The following COPG2 variants were observed in gnomAD, a reference collection of about 807,000 sequenced individuals.
The protein encoded by COPG2 is coatomer subunit gamma-2.
In COPG2, 37 loss-of-function variants were observed where a neutral mutation model predicts 46.3. The ratio of observed to expected loss-of-function variants is 0.80; its 90% CI spans 0.61 to 1.05. The LOEUF (loss-of-function observed/expected upper bound fraction) is 1.05. Among genes scored for constraint, COPG2 ranks in the 50% least tolerant of loss-of-function variants. COPG2 has a pLI of 0.00. For missense variants in COPG2, 427 were observed against 387.8 expected (o/e 1.10, Z -0.85); for synonymous variants, 159 against 129.7 (o/e 1.23, Z -1.53).
At chr7:130,515,827 A>G (rs924019824) in intron 20 of COPG2, among the ~76,000 whole-genome samples, 1 of 152,102 alleles carries the variant, frequency 6.6e-6, no homozygotes, top group Non-Finnish European at 1.5e-5. Flanking sequence ...GCATGACAGG[A>G]TGAGGAATAC....
chr7:130,640,382 A>C (rs1054497352), intron 5 of COPG2, among the ~76,000 whole-genome samples: 5 of 151,600 alleles, frequency 3.3e-5, no homozygotes, highest in Non-Finnish European at 7.4e-5. Context: ...TATATTTACT[A>C]TTTGGAGGCT....
At chr7:130,543,273 G>C (rs1425995672) in intron 20 of COPG2, among the ~76,000 whole-genome samples, 1 of 152,154 alleles carries the variant, frequency 6.6e-6, no homozygotes, top group Non-Finnish European at 1.5e-5. Flanking sequence ...GAAATTAAGG[G>C]GACAGTATAC....
At position 130,668,741 on chromosome 7, in the gene COPG2, G is replaced by A. The variant is rs1796163216; in HGVS notation, c.-73C>T. 1.4e-6 allele frequency: 2 copies of A among 1,476,546 alleles called. No homozygotes were observed. The highest frequency in any genetic ancestry group is 9.1e-7 in the Non-Finnish European group (1 of 1,104,454). 91.5% of individuals were successfully genotyped at this position (1,476,546 alleles called of 1,614,324 possible). A position where few individuals can be genotyped will look rare whatever the true frequency, so the allele number is the denominator to read the frequency against. On this transcript the variant is annotated 5_prime_UTR_variant, in exon 1 of 24. Coordinates refer to ENST00000425248, the MANE Select transcript of COPG2 (RefSeq NM_012133.6). ...CCGCAGCCGGCGAGCGGAAGAGGCT[G>A]CAGGAAGGCCGGCCCCGCGCTCTCA...
intron 12 of COPG2, among the ~76,000 whole-genome samples, chr7:130,557,142 G>A (rs1030604779): frequency 2.0e-5 from 3 of 152,070 alleles, no homozygotes; most frequent in East Asian, 1.9e-4. Flanking sequence ...AAACTAACTC[G>A]ATAATTCACC....
At chr7:130,636,727 A>C (rs1316133445) in intron 5 of COPG2, among the ~76,000 whole-genome samples, 1 of 152,016 alleles carries the variant, frequency 6.6e-6, no homozygotes, top group Non-Finnish European at 1.5e-5. Context: ...TTTACATTTA[A>C]GGTTGATATT....
At chr7:130,610,932 G>A (rs782508974) in intron 9 of COPG2, 21 bp downstream of exon 9, 7 of 1,613,090 alleles carry the variant, frequency 4.3e-6, no homozygotes, top group African/African-American at 1.3e-5. Flanking sequence ...AAATAACCCA[G>A]GTTTAGGTGA....
chr7:130,625,561 C>G (rs1375684785), intron 5 of COPG2, among the ~76,000 whole-genome samples: 1 of 151,398 alleles, frequency 6.6e-6, no homozygotes, highest in Non-Finnish European at 1.5e-5. Flanking sequence ...AAAAAATTAT[C>G]CATTAAATCT....
At chr7:130,516,211 T>C (rs1799677045) in intron 20 of COPG2, among the ~76,000 whole-genome samples, 1 of 152,148 alleles carries the variant, frequency 6.6e-6, no homozygotes. Flanking sequence ...TGATACTAAC[T>C]GGAGGTATTT....
intron 9 of COPG2, among the ~76,000 whole-genome samples, chr7:130,584,418 T>C (rs1305727689): frequency 6.6e-6 from 1 of 151,936 alleles, no homozygotes; most frequent in Admixed American, 6.6e-5. Flanking sequence ...CGATGCCCAC[T>C]CTCACCACGC....
intron 3 of COPG2, among the ~76,000 whole-genome samples, chr7:130,665,587 T>G (rs1796061038): frequency 6.6e-6 from 1 of 152,106 alleles, no homozygotes; most frequent in South Asian, 2.1e-4. Flanking sequence ...TTGCACCAGG[T>G]ATTGTAATCT....
intron 15 of COPG2, among the ~76,000 whole-genome samples, chr7:130,551,637 A>C (rs1793535675): frequency 6.6e-6 from 1 of 152,228 alleles, no homozygotes; most frequent in Admixed American, 6.5e-5. Context: ...ATCTGTAACT[A>C]CATGACCCTG....
intron 20 of COPG2, among the ~76,000 whole-genome samples, chr7:130,522,947 G>A (rs956069673): frequency 5.3e-5 from 8 of 151,270 alleles, no homozygotes; most frequent in Non-Finnish European, 1.2e-4. Context: ...GCGAAACCCT[G>A]TCTCTACTTA....
In COPG2 at chr7:130,602,584, T is replaced by C. The variant is rs534192518; in HGVS notation, c.737+8369A>G. On this transcript the variant is annotated intron_variant, in intron 9 of 23. Coordinates refer to ENST00000425248, the MANE Select transcript of COPG2 (RefSeq NM_012133.6). ...GCCTCCTGGGTTCAAGCAATTCTCC[T>C]GCTCAGCCTCCTGAATAGCTGGGAT... 4.8e-4 allele frequency among the ~76,000 whole-genome samples: 73 copies of C among 152,264 alleles called. No homozygotes were observed. In the South Asian group the frequency reaches 0.015, roughly 30 times the overall value.
At chr7:130,513,540 A>G (rs1174558089) in intron 20 of COPG2, among the ~76,000 whole-genome samples, 1 of 151,414 alleles carries the variant, frequency 6.6e-6, no homozygotes, top group Non-Finnish European at 1.5e-5. Context: ...AGGAAAGAGA[A>G]TACAAAGAGT....
At chr7:130,640,183 T>G (rs1327666948) in intron 5 of COPG2, among the ~76,000 whole-genome samples, 1 of 101,356 alleles carries the variant, frequency 9.9e-6, no homozygotes, top group Non-Finnish European at 2.3e-5. Context: ...TTTTTTTTTG[T>G]AAACTGTGCT....
chr7:130,526,124 T>C (rs1258586338), intron 20 of COPG2, among the ~76,000 whole-genome samples: 1 of 151,480 alleles, frequency 6.6e-6, no homozygotes, highest in Non-Finnish European at 1.5e-5. Flanking sequence ...GCCTTCTTGA[T>C]GGGACAGAAA....
chr7:130,663,020 T>A lies in COPG2; in HGVS notation c.190A>T (p.Thr64Ser). Residue 64 changes from threonine (T) to serine (S), a missense_variant, in exon 4 of 24, where the codon ACG becomes TCG. Transcript: ENST00000425248. ...LLNQGEHFGT[T>S]EATEAFFAMT... ...GCAAAGAAGGCTTCTGTAGCTTCCG[T>A]TGTTCCAAAGTGTTCACCCTAAGTA... 1 of 1,546,154 alleles carries A rather than the reference T, an allele frequency of 6.5e-7. No homozygotes were observed. The highest frequency in any genetic ancestry group is 1.2e-5 in the South Asian group (1 of 80,408).
At chr7:130,508,723 C>A in intron 20 of COPG2, 64 bp from the exon 21 acceptor site, 1 of 704,316 alleles carries the variant, frequency 1.4e-6, no homozygotes, top group South Asian at 1.6e-5. Flanking sequence ...TCCATCATTC[C>A]ATCTGTACTC....
intron 5 of COPG2, among the ~76,000 whole-genome samples, chr7:130,626,416 T>A (rs549101463): frequency 3.4e-5 from 5 of 147,702 alleles, no homozygotes; most frequent in African/African-American, 1.3e-4. Context: ...TTTTTTTTTT[T>A]TTTTTCTATT....
Sources: gnomAD v4.1 joint callset for allele counts (sites outside exome capture counted in the v4.1 genomes callset) on GRCh38, gnomAD v4.1.1 for gene constraint, MANE v1.5 for transcripts, NCBI Gene and HGNC (gene_info 2026-07-23, HGNC 2026-07-21) for gene names.